Variants in DIAPH3 observed in about 807,000 individuals in gnomAD.
DIAPH3 encodes the protein diaphanous related formin 3, also known as protein diaphanous homolog 3.
DIAPH3 carries 117 observed loss-of-function variants against 144.3 expected under a neutral mutation model. The ratio of observed to expected loss-of-function variants is 0.81; its 90% CI spans 0.70 to 0.95. DIAPH3 has a LOEUF of 0.95. DIAPH3 is among the 40% of genes least tolerant of loss of function. DIAPH3 has a pLI of 0.00. For synonymous variants in DIAPH3, 519 were observed against 488.9 expected, an observed-to-expected ratio of 1.06 and a Z score of -0.81; for missense variants, 1,421 against 1,412.7, an observed-to-expected ratio of 1.01 and a Z score of -0.09.
intron 5 of DIAPH3, among the ~76,000 whole-genome samples, chr13:60,018,573 T>C (rs2053808814): frequency 6.6e-6 from 1 of 152,194 alleles, no homozygotes; most frequent in East Asian, 1.9e-4. Flanking sequence ...GAATATGAAC[T>C]ATTCAAATAG....
intron 20 of DIAPH3, among the ~76,000 whole-genome samples, chr13:59,881,109 T>C (rs558250266): frequency 6.6e-6 from 1 of 152,166 alleles, no homozygotes; most frequent in South Asian, 2.1e-4. Flanking sequence ...TGAATTGTTC[T>C]TTTTAAGCAG....
chr13:59,807,046 GTAT>G (rs2040233120), intron 25 of DIAPH3, among the ~76,000 whole-genome samples: 1 of 151,512 alleles, frequency 6.6e-6, no homozygotes, highest in Admixed American at 6.6e-5. Context: ...AAAGTTGACT[GTAT>G]TATTTGTGAT....
At chr13:60,081,939 C>T (rs543648998) in intron 4 of DIAPH3, among the ~76,000 whole-genome samples, 2 of 152,012 alleles carry the variant, frequency 1.3e-5, no homozygotes, top group Non-Finnish European at 1.5e-5. Context: ...CAGGATCCTA[C>T]ATTGAAGAGA....
At chr13:59,831,217 A>T (rs1232887888) in intron 24 of DIAPH3, among the ~76,000 whole-genome samples, 1 of 151,920 alleles carries the variant, frequency 6.6e-6, no homozygotes, top group African/African-American at 2.4e-5. Context: ...TACTTCATAT[A>T]TCCATTTTAT....
At chr13:59,905,991 T>G (rs1186957080) in intron 20 of DIAPH3, among the ~76,000 whole-genome samples, 1 of 152,154 alleles carries the variant, frequency 6.6e-6, no homozygotes, top group African/African-American at 2.4e-5. Context: ...GAAACTAATA[T>G]AGTCCTACTT....
intron 9 of DIAPH3, among the ~76,000 whole-genome samples, chr13:60,001,725 G>A (rs1280239169): frequency 6.6e-6 from 1 of 152,150 alleles, no homozygotes; most frequent in Non-Finnish European, 1.5e-5. Flanking sequence ...CTACAGGTAT[G>A]ATCATAAGAA....
At chr13:59,989,476 T>G (rs756949373) in intron 12 of DIAPH3, among the ~76,000 whole-genome samples, 8 of 151,826 alleles carry the variant, frequency 5.3e-5, no homozygotes, top group Non-Finnish European at 2.9e-5. Flanking sequence ...GGAGTTGTCT[T>G]GAGTCTAGCA....
rs535477752 is a variant in DIAPH3 at position 59,926,846 on chromosome 13, T to C, written c.2075-1976A>G. Among the ~76,000 whole-genome samples the C allele has an allele frequency of 2.6e-5, 4 of 152,326 alleles. No individual in the cohort carries two copies. In the South Asian group the frequency reaches 8.3e-4, roughly 32 times the overall value. On this transcript the variant is annotated intron_variant, in intron 17 of 27. Coordinates refer to ENST00000400324, the MANE Select transcript of DIAPH3 (RefSeq NM_001042517.2). ...TTCTGTAAATGTCTATTAGATTCAT[T>C]TGGTCTACAGTGCAGTTTCAGATTG...
At chr13:59,785,476 C>T in intron 25 of DIAPH3, among the ~76,000 whole-genome samples, 1 of 152,252 alleles carries the variant, frequency 6.6e-6, no homozygotes, top group Non-Finnish European at 1.5e-5. Context: ...CTCCTTGTGC[C>T]TCCTCATACC....
intron 4 of DIAPH3, among the ~76,000 whole-genome samples, chr13:60,070,282 A>ATTTTTTTTTTTTTTTGT (rs2057149655): frequency 7.5e-6 from 1 of 132,548 alleles, no homozygotes. Context: ...TTTCTGTTGG[A>ATTTTTTTTTTTTTTTGT]TTTTTTTTTT....
chr13:60,157,028 T>C (rs1224108138), intron 1 of DIAPH3, among the ~76,000 whole-genome samples: 1 of 148,932 alleles, frequency 6.7e-6, no homozygotes, highest in Non-Finnish European at 1.5e-5. Flanking sequence ...CACTGCAACC[T>C]TTGCCTCCCA....
At chr13:59,810,161 C>A (rs1051155671) in intron 25 of DIAPH3, among the ~76,000 whole-genome samples, 4 of 151,736 alleles carry the variant, frequency 2.6e-5, no homozygotes, top group Non-Finnish European at 4.4e-5. Context: ...CTGCTTTTTT[C>A]TTTTTGTTGT....
intron 27 of DIAPH3, among the ~76,000 whole-genome samples, chr13:59,741,712 A>G (rs1041463146): frequency 6.6e-6 from 1 of 151,842 alleles, no homozygotes; most frequent in Non-Finnish European, 1.5e-5. Flanking sequence ...GCAAAAAAAA[A>G]AAAGAAAGAA....
At chr13:59,678,764 A>G (rs1457806940) in intron 27 of DIAPH3, among the ~76,000 whole-genome samples, 1 of 152,240 alleles carries the variant, frequency 6.6e-6, no homozygotes, top group East Asian at 1.9e-4. Flanking sequence ...AGAAAAAGAA[A>G]GAGAAACAAA....
chr13:60,148,715 T>C (rs1214427784), intron 1 of DIAPH3, among the ~76,000 whole-genome samples: 1 of 152,194 alleles, frequency 6.6e-6, no homozygotes, highest in African/African-American at 2.4e-5. Flanking sequence ...AGAAGTCATA[T>C]AGGGTGAGGC....
chr13:60,148,166 A>T lies in DIAPH3; in HGVS notation c.181-15177T>A, dbSNP rs551582709. On this transcript the variant is annotated intron_variant, in intron 1 of 27. Transcript: ENST00000400324. The stretch of plus-strand genomic sequence containing the variant: ...AAGAGAATACAAAAGAAAGAAGTTT[A>T]TGAGAAAGCAGATAAATTCGAGTTG... 5.9e-5 allele frequency among the ~76,000 whole-genome samples: 9 copies of T among 152,352 alleles called. No individual in the cohort carries two copies. In the South Asian group the frequency reaches 1.7e-3, roughly 28 times the overall value.
intron 27 of DIAPH3, among the ~76,000 whole-genome samples, chr13:59,748,727 T>A (rs1211060014): frequency 6.6e-6 from 1 of 152,202 alleles, no homozygotes; most frequent in Non-Finnish European, 1.5e-5. Context: ...TACACCTGGA[T>A]ATTCAACCAA....
intron 2 of DIAPH3, among the ~76,000 whole-genome samples, chr13:60,128,007 T>C (rs951049553): frequency 1.3e-5 from 2 of 152,126 alleles, no homozygotes; most frequent in African/African-American, 4.8e-5. Flanking sequence ...AGCCAGGTAC[T>C]GGTCCTAGTA....
intron 2 of DIAPH3, among the ~76,000 whole-genome samples, chr13:60,123,701 A>G (rs1233360262): frequency 6.6e-6 from 1 of 152,230 alleles, no homozygotes; most frequent in African/African-American, 2.4e-5. Context: ...ACAGAAGAGT[A>G]TAATATGAAT....
Sources: allele counts gnomAD v4.1 joint callset (sites outside exome capture counted in the v4.1 genomes callset), GRCh38; gene constraint gnomAD v4.1.1; transcripts MANE v1.5; gene names NCBI Gene and HGNC (gene_info 2026-07-23, HGNC 2026-07-21).